PPM1E: variants seen among roughly 807,000 people sequenced by gnomAD.
PPM1E encodes protein phosphatase 1E.
Under a neutral mutation model 65.9 loss-of-function variants are expected in PPM1E, and 20 were observed. That is an observed-to-expected ratio of 0.30 (90% CI 0.21 to 0.44). The LOEUF is 0.44. Ranked by LOEUF, PPM1E falls within the 20% of genes least tolerant of loss-of-function variation. The pLI is 1.00. For synonymous variants in PPM1E, 352 were observed against 374.9 expected (o/e 0.94, Z 0.70); for missense variants, 713 against 953.1 (o/e 0.75, Z 3.32).
At chr17:58,782,792 A>T (rs2050063306) in intron 1 of PPM1E, among the ~76,000 whole-genome samples, 1 of 152,174 alleles carries the variant, frequency 6.6e-6, no homozygotes, top group Admixed American at 6.5e-5. Context: ...AATAATTAAA[A>T]TTAAGAATTA....
At chr17:58,840,198 G>A (rs1047733466) in intron 1 of PPM1E, among the ~76,000 whole-genome samples, 2 of 152,204 alleles carry the variant, frequency 1.3e-5, no homozygotes, top group African/African-American at 4.8e-5. Context: ...CGACACGCTA[G>A]AAGTATTGCC....
At chr17:58,915,753 G>A (rs1458481103) in intron 1 of PPM1E, among the ~76,000 whole-genome samples, 1 of 152,028 alleles carries the variant, frequency 6.6e-6, no homozygotes, top group Non-Finnish European at 1.5e-5. Context: ...CATATTTAAG[G>A]GATTTTTCAA....
chr17:58,952,379 T>A (rs1210579827), intron 1 of PPM1E, among the ~76,000 whole-genome samples: 1 of 152,116 alleles, frequency 6.6e-6, no homozygotes, highest in African/African-American at 2.4e-5. Flanking sequence ...CTCTTCTGGG[T>A]GCAGGCACAC....
intron 1 of PPM1E, among the ~76,000 whole-genome samples, chr17:58,867,597 A>C (rs942248224): frequency 2.6e-5 from 4 of 152,178 alleles, no homozygotes; most frequent in Admixed American, 6.5e-5. Flanking sequence ...AATTTTCCTC[A>C]TATCAGTGGA....
At chr17:58,908,849 T>A (rs2051589673) in intron 1 of PPM1E, among the ~76,000 whole-genome samples, 1 of 152,200 alleles carries the variant, frequency 6.6e-6, no homozygotes, top group African/African-American at 2.4e-5. Flanking sequence ...AGTGTGAGTG[T>A]ATTATAATAA....
chr17:58,881,311 TTGAGC>T (rs1253518498), intron 1 of PPM1E, among the ~76,000 whole-genome samples: 2 of 152,126 alleles, frequency 1.3e-5, no homozygotes, highest in Non-Finnish European at 1.5e-5. Context: ...GTGGATCGCC[TTGAGC>T]CCAGGAGTTT....
intron 1 of PPM1E, among the ~76,000 whole-genome samples, chr17:58,798,255 G>C (rs1489166690): frequency 2.2e-5 from 3 of 136,518 alleles, no homozygotes; most frequent in Non-Finnish European, 4.6e-5. Context: ...TTGAGACGAA[G>C]TCTCGTTCTG....
intron 1 of PPM1E, among the ~76,000 whole-genome samples, chr17:58,914,397 G>A (rs1434307099): frequency 6.6e-6 from 1 of 152,156 alleles, no homozygotes; most frequent in Admixed American, 6.6e-5. Flanking sequence ...GTCTGTGACA[G>A]TTGCTCAATC....
chr17:58,756,541 A>G, intron 1 of PPM1E, 80 bp downstream of exon 1: 2 of 1,242,644 alleles, frequency 1.6e-6, no homozygotes, highest in Non-Finnish European at 2.0e-6. Context: ...TCGGCCCCTC[A>G]AACTGCTCTC....
intron 1 of PPM1E, among the ~76,000 whole-genome samples, chr17:58,835,139 G>A (rs967521903): frequency 2.0e-5 from 3 of 152,034 alleles, no homozygotes; most frequent in Non-Finnish European, 4.4e-5. Flanking sequence ...ACAGGAGTTC[G>A]AGACCAGCCT....
intron 1 of PPM1E, among the ~76,000 whole-genome samples, chr17:58,924,521 A>T (rs1000064733): frequency 4.6e-5 from 7 of 152,094 alleles, no homozygotes; most frequent in African/African-American, 1.7e-4. Flanking sequence ...ACTGCACTCT[A>T]ACCTGGGCAA....
chr17:58,783,459 G>T lies in PPM1E; in HGVS notation c.464+26998G>T, dbSNP rs537102856. ...CAAAATTTAATTACTGTAGTTTTTTGAATAAAGGAGGTTGGTTAGGCCTGG... is the reference window on the plus strand; with the variant it reads ...CAAAATTTAATTACTGTAGTTTTTTTAATAAAGGAGGTTGGTTAGGCCTGG... On this transcript the variant is annotated intron_variant, in intron 1 of 6. Transcript: ENST00000308249. Among the ~76,000 whole-genome samples, 6 of 152,232 alleles carry T rather than the reference G, an allele frequency of 3.9e-5. No individual in the cohort carries two copies. The East Asian group carries it at 7.7e-4, about 20-fold the overall frequency.
At chr17:58,791,828 G>A (rs938917576) in intron 1 of PPM1E, among the ~76,000 whole-genome samples, 1 of 152,158 alleles carries the variant, frequency 6.6e-6, no homozygotes, top group Non-Finnish European at 1.5e-5. Context: ...AGAAAACTAA[G>A]CCTCAGATGA....
intron 1 of PPM1E, among the ~76,000 whole-genome samples, chr17:58,778,505 G>A (rs2050017380): frequency 6.7e-6 from 1 of 150,024 alleles, no homozygotes. Context: ...TGCCTGTCGG[G>A]TTCAAGCAGT....
rs562080604 is a variant in PPM1E, at chr17:58,776,446, A to G, written c.464+19985A>G. Reference sequence around the variant, plus strand: ...AAAATCTAGATAAATTTGCATACCAATTTTGAAAAATTATATATAAAATAT... The same window carrying G: ...AAAATCTAGATAAATTTGCATACCAGTTTTGAAAAATTATATATAAAATAT... On this transcript the variant is annotated intron_variant, in intron 1 of 6. Transcript: ENST00000308249. 1.7e-3 allele frequency among the ~76,000 whole-genome samples: 262 copies of G among 152,310 alleles called. 1 individual carries two copies. Among genetic ancestry groups the G allele is most frequent in the African/African-American group, 6.0e-3 (250 of 41,578 alleles).
rs1258141569 is a variant in PPM1E at position 58,967,517 on chromosome 17, TATAGAGAG to T, written c.783+1626_783+1633del. Among the ~76,000 whole-genome samples the T allele has an allele frequency of 8.6e-3, 1,283 of 149,452 alleles. 20 individuals are homozygous for T. Among genetic ancestry groups the T allele is most frequent in the African/African-American group, 0.029 (1,183 of 40,386 alleles). ...TTATATATATGTGTATATATATATA[TATAGAGAG>T]AGAGAGAGAGAGAGAGGGAGGGAGG... is the stretch of plus-strand genomic sequence containing the variant. On this transcript the variant is annotated intron_variant, in intron 3 of 6. Coordinates refer to ENST00000308249, the MANE Select transcript of PPM1E (RefSeq NM_014906.5).
intron 1 of PPM1E, among the ~76,000 whole-genome samples, chr17:58,952,549 G>C (rs1483970571): frequency 6.6e-6 from 1 of 152,200 alleles, no homozygotes; most frequent in African/African-American, 2.4e-5. Flanking sequence ...GCTTGGGGGT[G>C]TGCCTGCTGG....
At chr17:58,975,010 AATTATT>A (rs547520577) in intron 6 of PPM1E, among the ~76,000 whole-genome samples, 3 of 151,998 alleles carry the variant, frequency 2.0e-5, no homozygotes, top group Non-Finnish European at 2.9e-5. Context: ...CCTTATATGG[AATTATT>A]ATTATTATTA....
intron 1 of PPM1E, among the ~76,000 whole-genome samples, chr17:58,823,583 G>A (rs11649706): frequency 6.6e-6 from 1 of 151,952 alleles, no homozygotes; most frequent in East Asian, 1.9e-4. Flanking sequence ...TTTTCCCTTA[G>A]GAAATTGTGT....
Sources: gnomAD v4.1 joint callset for allele counts (sites outside exome capture counted in the v4.1 genomes callset) on GRCh38, gnomAD v4.1.1 for gene constraint, MANE v1.5 for transcripts, NCBI Gene and HGNC (gene_info 2026-07-23, HGNC 2026-07-21) for gene names.